KIF27: variants seen among roughly 807,000 people sequenced by gnomAD.
KIF27 encodes kinesin-like protein KIF27.
In KIF27, 84 loss-of-function variants were observed where a neutral mutation model predicts 141.8. The observed-to-expected ratio is 0.59, with a 90% CI of 0.50 to 0.71. The LOEUF is 0.71. Ranked by LOEUF, KIF27 falls within the 30% of genes least tolerant of loss-of-function variation. The pLI is 0.00. For missense variants in KIF27, 1,306 were observed against 1,628.4 expected, an observed-to-expected ratio of 0.80 and a Z score of 3.41; for synonymous variants, 471 against 569.5, an observed-to-expected ratio of 0.83 and a Z score of 2.46.
chr9:83,888,723 A>T, intron 7 of KIF27, 131 bp from the exon 8 acceptor site: 1 of 451,514 alleles, frequency 2.2e-6, no homozygotes, highest in Non-Finnish European at 3.8e-6. Context: ...TGTTACTAAT[A>T]TTGCTCAAAA....
intron 11 of KIF27, among the ~76,000 whole-genome samples, chr9:83,876,921 G>GA (rs1304496597): frequency 6.6e-6 from 1 of 151,976 alleles, no homozygotes; most frequent in Non-Finnish European, 1.5e-5. Context: ...AAAAAGTAGG[G>GA]AAAAAAATTA....
intron 11 of KIF27, among the ~76,000 whole-genome samples, chr9:83,873,041 T>C (rs1174892233): frequency 6.6e-6 from 1 of 152,094 alleles, no homozygotes; most frequent in Non-Finnish European, 1.5e-5. Flanking sequence ...GCTCCCAAAC[T>C]AGGTATAAGG....
intron 1 of KIF27, among the ~76,000 whole-genome samples, chr9:83,920,968 G>A (rs1474222161): frequency 6.6e-6 from 1 of 152,062 alleles, no homozygotes; most frequent in Non-Finnish European, 1.5e-5. Flanking sequence ...GCTCGGTGGT[G>A]GTGGCCCTCG....
rs1032402004 is a variant in KIF27 at position 83,859,320 on chromosome 9, G to A, written c.2986C>T (p.Gln996Ter). Residue 996 changes from glutamine (Q) to a stop codon, truncating the protein, a stop_gained, in exon 14 of 18, where the codon CAA (glutamine) becomes TAA (stop). Coordinates refer to ENST00000297814, the MANE Select transcript of KIF27 (RefSeq NM_017576.4). LOFTEE classifies it high-confidence loss of function. ...TGCACATTCTTTTCAGACAACTCTT[G>A]TTCCAGTAAGTTCAGGCGAGTTGAT... ...KISTRLNLLE[Q>*]ELSEKNVQLQ... The A allele has an allele frequency of 6.2e-7, 1 of 1,614,048 alleles. No individual in the cohort carries two copies.
chr9:83,871,460 TA>T (rs1204898587), intron 11 of KIF27, among the ~76,000 whole-genome samples: 1 of 152,194 alleles, frequency 6.6e-6, no homozygotes, highest in African/African-American at 2.4e-5. Flanking sequence ...GTCTGAAATT[TA>T]TAAGTGGGTT....
intron 16 of KIF27, among the ~76,000 whole-genome samples, chr9:83,843,117 A>ACTAG (rs1946787897): frequency 6.7e-6 from 1 of 149,554 alleles, no homozygotes; most frequent in Non-Finnish European, 1.5e-5. Context: ...AAGTCACATG[A>ACTAG]CTAGGATTTA....
intron 16 of KIF27, chr9:83,847,697 G>C (rs1166790262): frequency 6.6e-6 from 1 of 152,052 alleles, no homozygotes; most frequent in Non-Finnish European, 1.5e-5. Flanking sequence ...CCTCAATCTG[G>C]TGCGCCATCT....
intron 13 of KIF27, chr9:83,863,891 T>C (rs1950146774): frequency 6.6e-6 from 1 of 152,228 alleles, no homozygotes; most frequent in Admixed American, 6.5e-5. Flanking sequence ...AACTTCCTCC[T>C]GGTTTAGTCT....
At chr9:83,876,878 C>T (rs1434557732) in intron 11 of KIF27, among the ~76,000 whole-genome samples, 1 of 152,090 alleles carries the variant, frequency 6.6e-6, no homozygotes, top group Admixed American at 6.6e-5. Context: ...GAGTTCAAAA[C>T]CAGCCTGGGA....
At chr9:83,912,234 C>A (rs1955243751) in intron 2 of KIF27, among the ~76,000 whole-genome samples, 1 of 152,146 alleles carries the variant, frequency 6.6e-6, no homozygotes, top group Non-Finnish European at 1.5e-5. Flanking sequence ...AGTTGACTTA[C>A]AAATGAAACT....
chr9:83,871,370 A>G (rs1243261314), intron 11 of KIF27, among the ~76,000 whole-genome samples: 1 of 152,244 alleles, frequency 6.6e-6, no homozygotes, highest in African/African-American at 2.4e-5. Flanking sequence ...ATACAACTGC[A>G]AAAATTAGGA....
At position 83,911,483 on chromosome 9, in the gene KIF27, C is replaced by A. The variant is rs142594135; in HGVS notation, c.299-2831G>T. ...TGACCTCATGATCCACCCGCCTCGA[C>A]CTCCCAAAGTGCTGAGCTTACAGGC... On this transcript the variant is annotated intron_variant, in intron 2 of 17. Coordinates refer to ENST00000297814, the MANE Select transcript of KIF27 (RefSeq NM_017576.4). Among the ~76,000 whole-genome samples, 918 of 152,068 alleles carry A rather than the reference C, an allele frequency of 6.0e-3. 10 individuals are homozygous for A. The highest frequency in any genetic ancestry group is 0.021 in the African/African-American group (871 of 41,454).
intron 3 of KIF27, among the ~76,000 whole-genome samples, chr9:83,907,997 C>CT (rs1954736076): frequency 1.3e-5 from 2 of 152,230 alleles, no homozygotes; most frequent in Admixed American, 6.5e-5. Flanking sequence ...GGAGCAGTGG[C>CT]TCACGCCTGT....
chr9:83,846,796 C>T (rs34287690), intron 16 of KIF27, among the ~76,000 whole-genome samples: 15 of 152,238 alleles, frequency 9.9e-5, no homozygotes, highest in African/African-American at 3.6e-4. Flanking sequence ...AACACTGCCA[C>T]CAGGAGACAC....
chr9:83,867,257 A>T (rs34839949), intron 13 of KIF27, among the ~76,000 whole-genome samples: 26,615 of 152,048 alleles, frequency 0.18, 2,901 homozygotes, highest in Non-Finnish European at 0.24. Flanking sequence ...CACTTGATGA[A>T]CATTTGTGTT....
At chr9:83,868,240 G>A (rs35465506) in intron 12 of KIF27, 19 of 157,414 alleles carry the variant, frequency 1.2e-4, no homozygotes, top group Non-Finnish European at 2.1e-4. Flanking sequence ...TATCTCCCCA[G>A]CTTGAGCTCC....
rs534442369 is a variant in KIF27, at chr9:83,914,576, T to C, written c.298+718A>G. ...ATTTTACATTTGTGAAATATGAAAA[T>C]AGAAAAATATTGAGAGCCACTATTC... On this transcript the variant is annotated intron_variant, in intron 2 of 17. Coordinates refer to ENST00000297814, the MANE Select transcript of KIF27 (RefSeq NM_017576.4). 4.6e-5 allele frequency among the ~76,000 whole-genome samples: 7 copies of C among 152,142 alleles called. No individual in the cohort carries two copies. The East Asian group carries it at 7.7e-4, about 17-fold the overall frequency.
rs1232391795 is a variant in KIF27, at chr9:83,891,548, C to T, written c.1603-47G>A. 4.0e-6 allele frequency: 6 copies of T among 1,490,182 alleles called. No individual in the cohort carries two copies. In the Admixed American group the frequency reaches 8.8e-5, roughly 22 times the overall value. 92.3% of individuals were successfully genotyped at this position (1,490,182 alleles called of 1,614,324 possible). ...ATTTTTAATATAGAGCACTTCAGTA[C>T]ATTTAGATTATGATTAAAAATGAAT... On this transcript the variant is annotated intron_variant, in intron 5 of 17. Coordinates refer to ENST00000297814, the MANE Select transcript of KIF27 (RefSeq NM_017576.4).
intron 16 of KIF27, among the ~76,000 whole-genome samples, chr9:83,842,667 C>A (rs1014965882): frequency 1.3e-5 from 2 of 152,078 alleles, no homozygotes; most frequent in African/African-American, 4.8e-5. Context: ...GGGGTTTCAT[C>A]ATGTTAGCCA....
Sources: gnomAD v4.1 joint callset for allele counts (sites outside exome capture counted in the v4.1 genomes callset) on GRCh38, gnomAD v4.1.1 for gene constraint, MANE v1.5 for transcripts, NCBI Gene and HGNC (gene_info 2026-07-23, HGNC 2026-07-21) for gene names.